ORC4: variants seen among roughly 807,000 people sequenced by gnomAD.
The protein encoded by ORC4 is origin recognition complex, subunit 4 homolog.
A neutral mutation model predicts 63.9 loss-of-function variants in ORC4; 55 were observed. The observed-to-expected ratio is 0.86, with a 90% CI of 0.69 to 1.08. The LOEUF (loss-of-function observed/expected upper bound fraction) is 1.08, where lower values mean the gene tolerates loss of function less well. Among genes scored for constraint, ORC4 ranks in the 50% least tolerant of loss-of-function variants. ORC4 has a pLI of 0.00. For synonymous variants in ORC4, 150 were observed against 168.5 expected, an observed-to-expected ratio of 0.89 and a Z score of 0.85; for missense variants, 511 against 504.4, an observed-to-expected ratio of 1.01 and a Z score of -0.13.
Position 147,932,096 on chromosome 2 carries a change from C to A in ORC4, c.*3414G>T, listed in dbSNP as rs1687797843. ...AAAATCTCCTTAAGCTGATAAGCAA[C>A]TTCAGCAAAGTCTCAGGATACAAAA... is the stretch of plus-strand genomic sequence containing the variant. On this transcript the variant is annotated 3_prime_UTR_variant, in exon 14 of 14. Transcript: ENST00000392857. 1 of 151,454 alleles carries A rather than the reference C, an allele frequency of 6.6e-6. No homozygotes were observed. Among genetic ancestry groups the A allele is most frequent in the African/African-American group, 2.4e-5 (1 of 41,240 alleles). 9.4% of individuals were successfully genotyped at this position (151,454 alleles called of 1,614,324 possible). A position where few individuals can be genotyped will look rare whatever the true frequency, so the allele number is the denominator to read the frequency against.
At chr2:147,985,794 T>C (rs1225686178) in intron 1 of ORC4, among the ~76,000 whole-genome samples, 2 of 152,088 alleles carry the variant, frequency 1.3e-5, no homozygotes, top group Non-Finnish European at 2.9e-5. Context: ...ACCAAATACC[T>C]CTCTGCTTGC....
At chr2:147,986,916 C>T (rs1273124965) in intron 1 of ORC4, among the ~76,000 whole-genome samples, 1 of 151,496 alleles carries the variant, frequency 6.6e-6, no homozygotes, top group East Asian at 1.9e-4. Flanking sequence ...TGAAAATAAT[C>T]ATTCAACAAA....
At chr2:147,987,380 G>GTATA (rs1436293060) in intron 1 of ORC4, among the ~76,000 whole-genome samples, 1 of 119,624 alleles carries the variant, frequency 8.4e-6, no homozygotes, top group Non-Finnish European at 1.9e-5. Flanking sequence ...GTGTGTGTGT[G>GTATA]TGTATATATA....
At chr2:147,992,015 C>T (rs1318294880) in intron 1 of ORC4, among the ~76,000 whole-genome samples, 1 of 152,074 alleles carries the variant, frequency 6.6e-6, no homozygotes, top group Non-Finnish European at 1.5e-5. Context: ...TATAGGCTAA[C>T]AAAAGAACTA....
intron 1 of ORC4, among the ~76,000 whole-genome samples, chr2:148,003,928 A>T (rs1692463409): frequency 6.6e-6 from 1 of 152,216 alleles, no homozygotes; most frequent in African/African-American, 2.4e-5. Context: ...ATACAAAATC[A>T]ATGTGCAAAA....
chr2:148,014,308 G>A (rs554392186), intron 1 of ORC4, among the ~76,000 whole-genome samples: 65 of 152,276 alleles, frequency 4.3e-4, no homozygotes, highest in African/African-American at 1.5e-3. Flanking sequence ...AGGATAAGAG[G>A]AAATTGAAGG....
upstream of ORC4, chr2:148,021,463 TTGCTGCTGCTGCTGCTGTTGCTGC>T: frequency 1.7e-6 from 1 of 573,876 alleles, no homozygotes; most frequent in Non-Finnish European, 3.4e-6. Context: ...GCTGCTGCTG[TTGCTGCTGCTGCTGCTGTTGCTGC>T]TGCTGCTGCT....
At chr2:147,989,498 G>C (rs1691442655) in intron 1 of ORC4, among the ~76,000 whole-genome samples, 1 of 152,136 alleles carries the variant, frequency 6.6e-6, no homozygotes, top group Non-Finnish European at 1.5e-5. Flanking sequence ...TTGAGGTCAG[G>C]AGTTTGAGAC....
chr2:147,938,476 A>G (rs1688183944), intron 11 of ORC4, 83 bp from the exon 12 acceptor site: 1 of 839,468 alleles, frequency 1.2e-6, no homozygotes, highest in Admixed American at 1.8e-5. Flanking sequence ...CAATATAGTG[A>G]AAGATCTATG....
In ORC4 at chr2:147,968,197, G is replaced by A. The variant is rs182219088; in HGVS notation, c.225+4542C>T. Among the ~76,000 whole-genome samples, 421 of 151,992 alleles carry A rather than the reference G, an allele frequency of 2.8e-3. 2 individuals are homozygous for A. The highest frequency in any genetic ancestry group is 4.3e-3 in the Non-Finnish European group (291 of 67,884). Reference sequence around the variant, plus strand: ...ACCTGAAACTATAAAACTACTAGAAGAAAACATAGGGGTAATACTTCAGGA... The same window carrying A: ...ACCTGAAACTATAAAACTACTAGAAAAAAACATAGGGGTAATACTTCAGGA... On this transcript the variant is annotated intron_variant, in intron 4 of 13. Transcript: ENST00000392857.
At chr2:148,014,949 T>C (rs1025805368) in intron 1 of ORC4, among the ~76,000 whole-genome samples, 9 of 152,060 alleles carry the variant, frequency 5.9e-5, no homozygotes, top group East Asian at 1.9e-4. Flanking sequence ...AAAAGCAAGA[T>C]TGTAATTTTC....
chr2:147,930,605 A>T lies in ORC4; in HGVS notation c.*4905T>A, dbSNP rs114710451. 1,366 of 152,486 alleles carry T rather than the reference A, an allele frequency of 9.0e-3. 16 individuals carry two copies. The highest frequency in any genetic ancestry group is 0.034 in the Middle Eastern group (10 of 294). The allele number at this position is 152,486 out of a possible 1,614,324, so 9.4% of individuals were successfully genotyped here. A position where few individuals can be genotyped will look rare whatever the true frequency, so the allele number is the denominator to read the frequency against. ...ATTTGTTACCTCTCAGAATATTGGT[A>T]AGCAGTTATTTTCGCTTTACTCTGT... On this transcript the variant is annotated 3_prime_UTR_variant, in exon 14 of 14. Transcript: ENST00000392857.
rs17225614 is a variant in ORC4, at chr2:147,940,630, G to GATAT, written c.850-1386_850-1383dup. Among the ~76,000 whole-genome samples, 85 of 149,966 alleles carry GATAT rather than the reference G, an allele frequency of 5.7e-4. 1 individual carries two copies. The highest frequency in any genetic ancestry group is 2.0e-3 in the African/African-American group (80 of 40,906). On this transcript the variant is annotated intron_variant, in intron 10 of 13. Transcript: ENST00000392857. ...GGTATATATATACTATGGATATATGGATATATATATATATGTGGTATATAT... is the reference window on the plus strand; with the variant it reads ...GGTATATATATACTATGGATATATGGATATATATATATATATATGTGGTATATAT...
At chr2:147,971,817 T>A (rs934966498) in intron 4 of ORC4, among the ~76,000 whole-genome samples, 1 of 152,020 alleles carries the variant, frequency 6.6e-6, no homozygotes, top group Non-Finnish European at 1.5e-5. Flanking sequence ...TATATATAAA[T>A]GTGACAATTT....
chr2:147,943,479 T>C lies in ORC4; in HGVS notation c.806A>G (p.His269Arg). The change falls in exon 10 of 14, where the codon CAT becomes CGT. Residue 269 changes from histidine to arginine, a missense_variant. His to Arg is a conservative substitution (Grantham distance 29). Transcript: ENST00000392857. Reference sequence around the variant, plus strand: ...CCGCAGGTTTTTGCTGATATTGAAATGCTTCTGTAGTACTTCTTGCACACT... The same window carrying C: ...CCGCAGGTTTTTGCTGATATTGAAACGCTTCTGTAGTACTTCTTGCACACT... ...DRSVQEVLQK[H>R]FNISKNLRSL... The C allele has an allele frequency of 6.2e-7, 1 of 1,606,680 alleles. No homozygotes were observed. The highest frequency in any genetic ancestry group is 8.5e-7 in the Non-Finnish European group (1 of 1,174,726).
intron 1 of ORC4, among the ~76,000 whole-genome samples, chr2:147,992,168 AC>A (rs1691655162): frequency 6.6e-6 from 1 of 152,178 alleles, no homozygotes; most frequent in African/African-American, 2.4e-5. Flanking sequence ...GAAGTAGGCT[AC>A]CTTCAGGATT....
chr2:147,954,286 C>T (rs937223750), intron 7 of ORC4, among the ~76,000 whole-genome samples: 6 of 152,090 alleles, frequency 3.9e-5, no homozygotes, highest in Admixed American at 1.3e-4. Context: ...GAAATACAGT[C>T]GTGTGTCCCT....
chr2:148,002,465 A>G (rs1692376427), intron 1 of ORC4, among the ~76,000 whole-genome samples: 1 of 152,220 alleles, frequency 6.6e-6, no homozygotes, highest in African/African-American at 2.4e-5. Context: ...AACTCACTCA[A>G]AACTGCACAA....
intron 7 of ORC4, among the ~76,000 whole-genome samples, chr2:147,954,584 T>C (rs1194262685): frequency 2.6e-5 from 4 of 152,158 alleles, no homozygotes; most frequent in Non-Finnish European, 4.4e-5. Context: ...ATGTGGTCTA[T>C]CATTGAATTA....
Sources: gnomAD v4.1 joint callset for allele counts (sites outside exome capture counted in the v4.1 genomes callset) on GRCh38, gnomAD v4.1.1 for gene constraint, MANE v1.5 for transcripts, NCBI Gene and HGNC (gene_info 2026-07-23, HGNC 2026-07-21) for gene names.